PCDHGB2: variants seen among roughly 807,000 people sequenced by gnomAD.
PCDHGB2 encodes the protein protocadherin gamma subfamily B, 2.
In PCDHGB2, 55 loss-of-function variants were observed where a neutral mutation model predicts 59.3. The observed-to-expected ratio is 0.93, with a 90% CI of 0.75 to 1.16. The LOEUF (loss-of-function observed/expected upper bound fraction) is 1.16, where lower values mean the gene tolerates loss of function less well. Among genes scored for constraint, PCDHGB2 ranks in the 50% most tolerant of loss-of-function variants. The pLI, the probability that PCDHGB2 is intolerant of heterozygous loss-of-function variation, is 0.00. For synonymous variants in PCDHGB2, 516 were observed against 512.0 expected, an observed-to-expected ratio of 1.01 and a Z score of -0.11; for missense variants, 1,228 against 1,198.5, an observed-to-expected ratio of 1.02 and a Z score of -0.36.
At chr5:141,465,047 T>C (rs2099095978) in intron 1 of PCDHGB2, among the ~76,000 whole-genome samples, 1 of 152,088 alleles carries the variant, frequency 6.6e-6, no homozygotes, top group Non-Finnish European at 1.5e-5. Context: ...TGACCCTATA[T>C]ATTTTTTTGA....
chr5:141,488,705 G>T (rs1024064135), intron 1 of PCDHGB2, among the ~76,000 whole-genome samples: 1 of 152,200 alleles, frequency 6.6e-6, no homozygotes, highest in Non-Finnish European at 1.5e-5. Context: ...AGATTTTGCT[G>T]GTTCAAGCAA....
At chr5:141,504,378 C>T (rs2099837786) in intron 2 of PCDHGB2, among the ~76,000 whole-genome samples, 1 of 152,052 alleles carries the variant, frequency 6.6e-6, no homozygotes, top group Non-Finnish European at 1.5e-5. Flanking sequence ...CAGGTGGAGT[C>T]GCTGCCTCAC....
chr5:141,409,007 C>T, intron 1 of PCDHGB2: 1 of 1,613,932 alleles, frequency 6.2e-7, no homozygotes, highest in Non-Finnish European at 8.5e-7. Context: ...AGCCACTGAC[C>T]AGGATGAGGG....
intron 1 of PCDHGB2, chr5:141,378,193 TA>T (rs376966694): frequency 7.2e-5 from 11 of 152,366 alleles, no homozygotes; most frequent in Middle Eastern, 3.4e-3. Context: ...GTGTGCCTAC[TA>T]CAGTGTCTTT....
At chr5:141,398,023 G>C in intron 1 of PCDHGB2, 1 of 1,438,566 alleles carries the variant, frequency 7.0e-7, no homozygotes, top group Non-Finnish European at 9.3e-7. Context: ...TCCTAAACTG[G>C]AACTGGAACT....
At chr5:141,370,888 A>T (rs765704496) in intron 1 of PCDHGB2, 3 of 1,614,036 alleles carry the variant, frequency 1.9e-6, no homozygotes, top group Non-Finnish European at 2.5e-6. Flanking sequence ...GTAGGTGTCA[A>T]TTCGCTGCAG....
At chr5:141,394,845 C>G (rs2093112269) in intron 1 of PCDHGB2, 20 of 1,613,866 alleles carry the variant, frequency 1.2e-5, no homozygotes, top group Non-Finnish European at 1.7e-5. Flanking sequence ...GTTGGGCAGT[C>G]TGAAGCCTTC....
At chr5:141,403,420 A>G in intron 1 of PCDHGB2, 1 of 1,614,050 alleles carries the variant, frequency 6.2e-7, no homozygotes, top group African/African-American at 1.3e-5. Flanking sequence ...CACTTCCAGA[A>G]GCTATTGATC....
intron 1 of PCDHGB2, among the ~76,000 whole-genome samples, chr5:141,460,983 G>GTA (rs59296681): frequency 9.4e-4 from 130 of 137,840 alleles, no homozygotes; most frequent in Middle Eastern, 3.8e-3. Context: ...GTGTGTGTGT[G>GTA]TATATATATA....
chr5:141,365,838 C>A, intron 1 of PCDHGB2: 1 of 1,613,976 alleles, frequency 6.2e-7, no homozygotes, highest in Non-Finnish European at 8.5e-7. Flanking sequence ...CCCTTGTCCT[C>A]CTATGTATCC....
chr5:141,363,424 C>T (rs1226376844), intron 1 of PCDHGB2, among the ~76,000 whole-genome samples: 1 of 152,126 alleles, frequency 6.6e-6, no homozygotes, highest in Non-Finnish European at 1.5e-5. Context: ...ATATCTGTCT[C>T]AACATAGAAA....
chr5:141,466,947 A>C (rs2099132734), intron 1 of PCDHGB2, among the ~76,000 whole-genome samples: 1 of 152,126 alleles, frequency 6.6e-6, no homozygotes, highest in South Asian at 2.1e-4. Context: ...TGTCCAGTAA[A>C]CAGACTGCAA....
chr5:141,371,867 C>A (rs1452583584), intron 1 of PCDHGB2: 14 of 1,613,430 alleles, frequency 8.7e-6, no homozygotes, highest in Non-Finnish European at 1.0e-5. Context: ...CCTACTACAT[C>A]GTGGCCAGTG....
At chr5:141,446,231 C>T (rs1412899811) in intron 1 of PCDHGB2, among the ~76,000 whole-genome samples, 2 of 152,176 alleles carry the variant, frequency 1.3e-5, no homozygotes, top group African/African-American at 2.4e-5. Flanking sequence ...TGTTGCCTGG[C>T]AAGTGGTAGA....
At chr5:141,407,969 A>C (rs900029714) in intron 1 of PCDHGB2, 1 of 708,308 alleles carries the variant, frequency 1.4e-6, no homozygotes, top group Non-Finnish European at 2.2e-6. Flanking sequence ...GCAAGCGCTG[A>C]CGCCGGGGAT....
chr5:141,399,195 G>A (rs773731727), intron 1 of PCDHGB2: 5 of 1,613,852 alleles, frequency 3.1e-6, no homozygotes, highest in Non-Finnish European at 4.2e-6. Context: ...TGGAAAACGC[G>A]GTGCCTGGAA....
intron 1 of PCDHGB2, among the ~76,000 whole-genome samples, chr5:141,436,199 A>G (rs576607542): frequency 7.2e-5 from 11 of 152,282 alleles, no homozygotes; most frequent in East Asian, 5.8e-4. Context: ...AAAGAAAGAC[A>G]TAATAGGAAA....
intron 1 of PCDHGB2, among the ~76,000 whole-genome samples, chr5:141,452,803 A>G (rs1045171800): frequency 2.6e-5 from 4 of 152,186 alleles, no homozygotes; most frequent in African/African-American, 9.7e-5. Context: ...TTTTTGCTGT[A>G]GTTTGTTCAT....
intron 1 of PCDHGB2, chr5:141,393,991 A>C (rs2092893166): frequency 6.2e-7 from 1 of 1,613,604 alleles, no homozygotes; most frequent in East Asian, 2.2e-5. Flanking sequence ...TTACCTTTTA[A>C]ATTAGAAAAG....
Sources: gnomAD v4.1 joint callset for allele counts (sites outside exome capture counted in the v4.1 genomes callset) on GRCh38, gnomAD v4.1.1 for gene constraint, MANE v1.5 for transcripts, NCBI Gene and HGNC (gene_info 2026-07-23, HGNC 2026-07-21) for gene names.